The following ZFAND6 variants were observed in gnomAD, a reference collection of about 807,000 sequenced individuals.
ZFAND6 encodes AN1-type zinc finger protein 6.
In ZFAND6, 12 loss-of-function variants were observed where a neutral mutation model predicts 24.5. The observed-to-expected ratio is 0.49, with a 90% CI of 0.31 to 0.79. ZFAND6 has a LOEUF of 0.79. Among genes scored for constraint, ZFAND6 ranks in the 30% least tolerant of loss-of-function variants. The pLI, the probability that ZFAND6 is intolerant of heterozygous loss-of-function variation, is 0.04. For missense variants in ZFAND6, 207 were observed against 245.9 expected, an observed-to-expected ratio of 0.84 and a Z score of 1.06; for synonymous variants, 92 against 81.5, an observed-to-expected ratio of 1.13 and a Z score of -0.69.
At chr15:80,071,410 C>G (rs1262643911) in intron 1 of ZFAND6, among the ~76,000 whole-genome samples, 1 of 152,144 alleles carries the variant, frequency 6.6e-6, no homozygotes, top group Non-Finnish European at 1.5e-5. Context: ...AAAAACTATA[C>G]TTACACCGTA....
chr15:80,083,718 G>A (rs962599912), intron 1 of ZFAND6, among the ~76,000 whole-genome samples: 1 of 152,096 alleles, frequency 6.6e-6, no homozygotes, highest in African/African-American at 2.4e-5. Flanking sequence ...TGGTGAAACC[G>A]TGTATCTACT....
chr15:80,090,631 A>G (rs769391733), intron 1 of ZFAND6, among the ~76,000 whole-genome samples: 1 of 152,178 alleles, frequency 6.6e-6, no homozygotes, highest in Non-Finnish European at 1.5e-5. Context: ...GGCAGAGCCA[A>G]TGAGACATCT....
At chr15:80,083,016 G>T (rs2037767863) in intron 1 of ZFAND6, among the ~76,000 whole-genome samples, 1 of 151,702 alleles carries the variant, frequency 6.6e-6, no homozygotes, top group Admixed American at 6.6e-5. Flanking sequence ...TTTTGAAATG[G>T]AGTCTCACTC....
At chr15:80,128,082 A>G (rs1391458780) in intron 5 of ZFAND6, among the ~76,000 whole-genome samples, 3 of 152,252 alleles carry the variant, frequency 2.0e-5, no homozygotes, top group Non-Finnish European at 4.4e-5. Context: ...AGTTAGGTAC[A>G]AAAGGCTACA....
chr15:80,119,631 A>G (rs1353598923), intron 2 of ZFAND6, among the ~76,000 whole-genome samples: 27 of 152,194 alleles, frequency 1.8e-4, no homozygotes, highest in Admixed American at 1.8e-3. Context: ...GTTTATAAAA[A>G]TTATAAATAA....
At chr15:80,063,512 C>G (rs2036444843) in intron 1 of ZFAND6, among the ~76,000 whole-genome samples, 2 of 151,880 alleles carry the variant, frequency 1.3e-5, no homozygotes, top group African/African-American at 4.8e-5. Context: ...GTTCCTCAGC[C>G]TCCCGAGTAG....
At chr15:80,062,357 T>C (rs1253970211) in intron 1 of ZFAND6, among the ~76,000 whole-genome samples, 1 of 152,182 alleles carries the variant, frequency 6.6e-6, no homozygotes, top group African/African-American at 2.4e-5. Context: ...TTTGGAAAAG[T>C]TGTGTGGTGG....
chr15:80,128,298 T>A (rs2040456745), intron 5 of ZFAND6, among the ~76,000 whole-genome samples: 1 of 152,166 alleles, frequency 6.6e-6, no homozygotes, highest in Non-Finnish European at 1.5e-5. Flanking sequence ...ATTGTATACT[T>A]TAAAGAGTGA....
intron 5 of ZFAND6, chr15:80,123,062 G>T: frequency 3.2e-6 from 1 of 314,658 alleles, no homozygotes; most frequent in Non-Finnish European, 5.9e-6. Context: ...ATGTGTGGCA[G>T]TGTTACACTG....
At chr15:80,121,926 C>G (rs2040165097) in intron 4 of ZFAND6, 106 bp downstream of exon 4, 2 of 985,314 alleles carry the variant, frequency 2.0e-6, no homozygotes, top group Non-Finnish European at 1.5e-6. Flanking sequence ...TTTAGATTAA[C>G]TGGCCTAAAA....
At chr15:80,111,600 G>C (rs2039614934) in intron 2 of ZFAND6, 3 of 448,452 alleles carry the variant, frequency 6.7e-6, no homozygotes, top group South Asian at 4.7e-5. Context: ...AGCAATATAG[G>C]ATAAGTATAT....
At chr15:80,123,578 C>T (rs1007041844) in intron 5 of ZFAND6, among the ~76,000 whole-genome samples, 4 of 152,194 alleles carry the variant, frequency 2.6e-5, no homozygotes, top group African/African-American at 7.2e-5. Flanking sequence ...GTAACAGATA[C>T]ATCTGCCAAT....
intron 1 of ZFAND6, among the ~76,000 whole-genome samples, chr15:80,075,564 C>T (rs1374306031): frequency 3.9e-5 from 6 of 151,954 alleles, no homozygotes; most frequent in East Asian, 1.9e-4. Context: ...GTGATGGTTG[C>T]GTTTTATTTC....
chr15:80,118,956 A>C lies in ZFAND6; in HGVS notation c.-17-1372A>C, dbSNP rs74727568. Reference sequence around the variant, plus strand: ...GTGTTTACCAGTTCAAGGAAATTTCAGTGGCAAAACATTTTCCTTCTTTGG... The same window carrying C: ...GTGTTTACCAGTTCAAGGAAATTTCCGTGGCAAAACATTTTCCTTCTTTGG... On this transcript the variant is annotated intron_variant, in intron 2 of 6. Coordinates refer to ENST00000261749, the MANE Select transcript of ZFAND6 (RefSeq NM_019006.4). 0.021 allele frequency among the ~76,000 whole-genome samples: 3,186 copies of C among 152,340 alleles called. 238 individuals carry two copies. In the East Asian group the frequency reaches 0.23, roughly 11 times the overall value.
At position 80,059,749 on chromosome 15, in the gene ZFAND6, C is replaced by T. The variant is rs1047360759; in HGVS notation, c.-241C>T. 4.6e-5 allele frequency: 7 copies of T among 152,198 alleles called. No homozygotes were observed. Among genetic ancestry groups the T allele is most frequent in the African/African-American group, 1.7e-4 (7 of 41,420 alleles). 9.4% of individuals were successfully genotyped at this position (152,198 alleles called of 1,614,324 possible). On this transcript the variant is annotated 5_prime_UTR_variant, in exon 1 of 7. Transcript: ENST00000261749. Reference sequence around the variant, plus strand: ...GGGGTTCGGCGGCATTACCTGTACCCATTCACCGGCGGCTACCGGCGGCGG... The same window carrying T: ...GGGGTTCGGCGGCATTACCTGTACCTATTCACCGGCGGCTACCGGCGGCGG...
chr15:80,070,331 A>G (rs2036902853), intron 1 of ZFAND6, among the ~76,000 whole-genome samples: 1 of 152,192 alleles, frequency 6.6e-6, no homozygotes, highest in South Asian at 2.1e-4. Context: ...TTGATGCTTA[A>G]AAAGTGTTGT....
intron 1 of ZFAND6, among the ~76,000 whole-genome samples, chr15:80,081,284 A>G (rs2037651362): frequency 6.6e-6 from 1 of 152,200 alleles, no homozygotes; most frequent in South Asian, 2.1e-4. Context: ...ACACAGTCAG[A>G]TGAGCTTGTA....
chr15:80,060,184 CG>C (rs983237623), intron 1 of ZFAND6: 3 of 151,922 alleles, frequency 2.0e-5, no homozygotes, highest in African/African-American at 4.8e-5. Flanking sequence ...GGTTGGCTGG[CG>C]GGGGTCGGAA....
At chr15:80,061,926 A>G (rs1321087580) in intron 1 of ZFAND6, among the ~76,000 whole-genome samples, 1 of 152,226 alleles carries the variant, frequency 6.6e-6, no homozygotes, top group African/African-American at 2.4e-5. Context: ...TAGAAGATTC[A>G]TAGCCGTAGT....
Sources: gnomAD v4.1 joint callset for allele counts (sites outside exome capture counted in the v4.1 genomes callset) on GRCh38, gnomAD v4.1.1 for gene constraint, MANE v1.5 for transcripts, NCBI Gene and HGNC (gene_info 2026-07-23, HGNC 2026-07-21) for gene names.